ADAMTS2: variants seen among roughly 807,000 people sequenced by gnomAD.
The protein encoded by ADAMTS2 is ADAM metallopeptidase with thrombospondin type 1 motif 2.
In ADAMTS2, 50 loss-of-function variants were observed where a neutral mutation model predicts 123.0. The ratio of observed to expected loss-of-function variants is 0.41; its 90% CI spans 0.32 to 0.51. The LOEUF is 0.51. Ranked by LOEUF, ADAMTS2 falls within the 20% of genes least tolerant of loss-of-function variation. The probability of loss-of-function intolerance (pLI) is 0.35; values close to 1 mark genes in which losing one functional copy is unlikely to be tolerated. For synonymous variants in ADAMTS2, 678 were observed against 695.4 expected (o/e 0.98, Z 0.39); for missense variants, 1,494 against 1,705.2 (o/e 0.88, Z 2.18).
chr5:179,121,465 A>C (rs1257592876), intron 21 of ADAMTS2, 196 bp downstream of exon 21: 2 of 455,172 alleles, frequency 4.4e-6, no homozygotes, highest in Non-Finnish European at 7.8e-6. Flanking sequence ...CAGAGGCCCG[A>C]GCCCCCGCCA....
intron 21 of ADAMTS2, chr5:179,120,385 T>C (rs1240385831): frequency 6.6e-6 from 1 of 152,194 alleles, no homozygotes; most frequent in Non-Finnish European, 1.5e-5. Context: ...TAAACCAAAG[T>C]GCATATGCCC....
chr5:179,299,661 G>A (rs539908003), intron 2 of ADAMTS2, among the ~76,000 whole-genome samples: 2 of 151,892 alleles, frequency 1.3e-5, no homozygotes, highest in South Asian at 4.2e-4. Context: ...GAAGCTCTAA[G>A]GAGAATGTTT....
chr5:179,249,000 C>G (rs1344911772), intron 3 of ADAMTS2, among the ~76,000 whole-genome samples: 2 of 152,106 alleles, frequency 1.3e-5, no homozygotes, highest in African/African-American at 2.4e-5. Context: ...CAAAACAAGT[C>G]TCAATAACCT....
intron 2 of ADAMTS2, among the ~76,000 whole-genome samples, chr5:179,297,623 C>CT (rs1756378958): frequency 6.6e-6 from 1 of 152,140 alleles, no homozygotes; most frequent in African/African-American, 2.4e-5. Context: ...GACTTGGGCC[C>CT]TTGCATCATG....
intron 10 of ADAMTS2, among the ~76,000 whole-genome samples, chr5:179,144,586 C>T (rs571751934): frequency 3.5e-4 from 54 of 152,272 alleles, no homozygotes; most frequent in African/African-American, 1.3e-3. Flanking sequence ...CGGAATAGAA[C>T]AAAAGCCTAG....
At chr5:179,160,502 C>T (rs994807788) in intron 5 of ADAMTS2, among the ~76,000 whole-genome samples, 7 of 152,166 alleles carry the variant, frequency 4.6e-5, no homozygotes, top group Non-Finnish European at 1.0e-4. Flanking sequence ...CCAGTTAGTT[C>T]CAGAAGAAGG....
intron 2 of ADAMTS2, among the ~76,000 whole-genome samples, chr5:179,289,202 G>A (rs760412849): frequency 1.1e-4 from 16 of 152,126 alleles, no homozygotes; most frequent in African/African-American, 2.4e-4. Flanking sequence ...CAAGCACAGC[G>A]GAACGATGGA....
At chr5:179,253,817 G>A (rs1765984030) in intron 3 of ADAMTS2, among the ~76,000 whole-genome samples, 1 of 152,116 alleles carries the variant, frequency 6.6e-6, no homozygotes, top group Non-Finnish European at 1.5e-5. Flanking sequence ...CCTGAGAGGT[G>A]ACACGCCATG....
intron 12 of ADAMTS2, 65 bp downstream of exon 12, chr5:179,137,704 C>CG: frequency 1.3e-6 from 2 of 1,485,134 alleles, no homozygotes; most frequent in Non-Finnish European, 1.8e-6. Flanking sequence ...AGGCACAAGC[C>CG]CCCACCCTGC....
intron 5 of ADAMTS2, among the ~76,000 whole-genome samples, chr5:179,177,386 T>G (rs1486748087): frequency 6.6e-6 from 1 of 152,216 alleles, no homozygotes; most frequent in Non-Finnish European, 1.5e-5. Flanking sequence ...CGGGCTACCT[T>G]TGGCATCTTT....
rs577954910 is a variant in ADAMTS2 at position 179,317,816 on chromosome 5, C to T, written c.534+25951G>A. ...CGCCAGCTGGGGAGAGTGGAGCAGA[C>T]GTACAGGATGGAGGGTAGAGGTGGG... On this transcript the variant is annotated intron_variant, in intron 2 of 21. Transcript: ENST00000251582. The surrounding 1 kb of genome is among the most constrained non-coding windows in gnomAD (Gnocchi z 4.9). 6.6e-6 allele frequency among the ~76,000 whole-genome samples: 1 copy of T among 152,204 alleles called. No homozygotes were observed. Among genetic ancestry groups the T allele is most frequent in the South Asian group, 2.1e-4 (1 of 4,820 alleles).
intron 2 of ADAMTS2, among the ~76,000 whole-genome samples, chr5:179,343,308 C>A (rs555919782): frequency 6.6e-6 from 1 of 152,340 alleles, no homozygotes; most frequent in South Asian, 2.1e-4. Context: ...GCTCAACACA[C>A]TGATGTGCAG....
intron 5 of ADAMTS2, among the ~76,000 whole-genome samples, chr5:179,161,318 T>C (rs564171330): frequency 6.6e-6 from 1 of 152,224 alleles, no homozygotes; most frequent in South Asian, 2.1e-4. Context: ...GAAGGGAAAC[T>C]CGGGGTGGAT....
chr5:179,249,597 G>T lies in ADAMTS2; in HGVS notation c.688+23314C>A, dbSNP rs79230358. Among the ~76,000 whole-genome samples the T allele has an allele frequency of 3.9e-5, 6 of 152,204 alleles. No homozygotes were observed. The East Asian group carries it at 9.6e-4, about 24-fold the overall frequency. On this transcript the variant is annotated intron_variant, in intron 3 of 21. Coordinates refer to ENST00000251582, the MANE Select transcript of ADAMTS2 (RefSeq NM_014244.5). ...CTACCGACCTTATAGAAATAAAAATGATTATAAGAGAATATTATGTACAAT... is the reference window on the plus strand; with the variant it reads ...CTACCGACCTTATAGAAATAAAAATTATTATAAGAGAATATTATGTACAAT...
At chr5:179,193,827 C>A (rs1197087315) in intron 4 of ADAMTS2, among the ~76,000 whole-genome samples, 1 of 152,196 alleles carries the variant, frequency 6.6e-6, no homozygotes, top group Non-Finnish European at 1.5e-5. Flanking sequence ...ACCAAGGAGA[C>A]CCCTGGACTG....
chr5:179,209,115 C>T (rs1313446376), intron 3 of ADAMTS2, among the ~76,000 whole-genome samples: 1 of 152,232 alleles, frequency 6.6e-6, no homozygotes, highest in African/African-American at 2.4e-5. Flanking sequence ...GGCACGGCCA[C>T]TCGGACAGTG....
In ADAMTS2 at chr5:179,260,035, G is replaced by A. The variant is rs1273370720; in HGVS notation, c.688+12876C>T. Among the ~76,000 whole-genome samples the A allele has an allele frequency of 2.0e-5, 3 of 152,208 alleles. No homozygotes were observed. Among genetic ancestry groups the A allele is most frequent in the Non-Finnish European group, 4.4e-5 (3 of 68,038 alleles). Reference sequence around the variant, plus strand: ...GACAGAGTGTTAAAGTGGGCATAGGGCCCTGCCGGATGGGTCACAAGCCGG... The same window carrying A: ...GACAGAGTGTTAAAGTGGGCATAGGACCCTGCCGGATGGGTCACAAGCCGG... On this transcript the variant is annotated intron_variant, in intron 3 of 21. Transcript: ENST00000251582. This position sits in a 1 kb window ranked among gnomAD's most constrained non-coding sequence, Gnocchi z 4.2.
chr5:179,271,502 G>A (rs757601018), intron 3 of ADAMTS2, among the ~76,000 whole-genome samples: 34 of 152,220 alleles, frequency 2.2e-4, no homozygotes, highest in Admixed American at 8.5e-4. Flanking sequence ...CCTGCCCCCG[G>A]GTCTGGAGCA....
At chr5:179,215,523 G>A (rs464156) in intron 3 of ADAMTS2, among the ~76,000 whole-genome samples, 66,959 of 151,992 alleles carry the variant, frequency 0.44, 15,296 homozygotes, top group Non-Finnish European at 0.51. Context: ...TTAAAATGGC[G>A]GATTGAACAC....
Sources: gnomAD v4.1 joint callset for allele counts (sites outside exome capture counted in the v4.1 genomes callset) on GRCh38, gnomAD v4.1.1 for gene constraint, Gnocchi (gnomAD v3.1) non-coding constraint, MANE v1.5 for transcripts, NCBI Gene and HGNC (gene_info 2026-07-23, HGNC 2026-07-21) for gene names.